The following DLGAP4 variants were observed in gnomAD, a reference collection of about 807,000 sequenced individuals.
DLGAP4 encodes disks large-associated protein 4.
DLGAP4 carries 18 observed loss-of-function variants against 86.9 expected under a neutral mutation model. That is an observed-to-expected ratio of 0.21 (90% CI 0.14 to 0.31). DLGAP4 has a LOEUF of 0.31. Among genes scored for constraint, DLGAP4 ranks in the 10% least tolerant of loss-of-function variants. The pLI, the probability that DLGAP4 is intolerant of heterozygous loss-of-function variation, is 1.00. For missense variants in DLGAP4, 1,085 were observed against 1,362.6 expected (o/e 0.80, Z 3.21); for synonymous variants, 548 against 574.3 (o/e 0.95, Z 0.65).
At chr20:36,412,040 G>A (rs1203360258) in intron 2 of DLGAP4, among the ~76,000 whole-genome samples, 2 of 152,352 alleles carry the variant, frequency 1.3e-5, no homozygotes, top group South Asian at 4.1e-4. Flanking sequence ...TCCAAGTGCT[G>A]TGTGTATTTC....
chr20:36,486,755 C>T (rs1264284517), intron 7 of DLGAP4, among the ~76,000 whole-genome samples: 1 of 152,126 alleles, frequency 6.6e-6, no homozygotes, highest in Non-Finnish European at 1.5e-5. Flanking sequence ...GGATTACAGG[C>T]CTGCGCCACC....
chr20:36,489,294 T>C (rs1206952605), intron 7 of DLGAP4, among the ~76,000 whole-genome samples: 2 of 152,168 alleles, frequency 1.3e-5, no homozygotes, highest in African/African-American at 2.4e-5. Flanking sequence ...ATCAGCTGTA[T>C]ATGAAGTACC....
At chr20:36,493,181 A>G (rs1401496422) in intron 7 of DLGAP4, 1 of 152,222 alleles carries the variant, frequency 6.6e-6, no homozygotes, top group East Asian at 1.9e-4. Context: ...GGGGCCATAC[A>G]ACAGGTCAGT....
At chr20:36,453,934 C>CAAAAAAAAA (rs1194294335) in intron 7 of DLGAP4, among the ~76,000 whole-genome samples, 3 of 42,658 alleles carry the variant, frequency 7.0e-5, no homozygotes, top group African/African-American at 2.6e-4. Context: ...ACTCTGTCTC[C>CAAAAAAAAA]AAAAAAAAAA....
intron 1 of DLGAP4, among the ~76,000 whole-genome samples, chr20:36,353,319 G>T (rs1010550489): frequency 6.6e-6 from 1 of 152,186 alleles, no homozygotes; most frequent in East Asian, 1.9e-4. Flanking sequence ...ATGACTGAGA[G>T]GGGGCGGCTC....
At chr20:36,314,040 C>T (rs1321400162) in intron 1 of DLGAP4, among the ~76,000 whole-genome samples, 7 of 152,062 alleles carry the variant, frequency 4.6e-5, no homozygotes, top group Non-Finnish European at 2.9e-5. Context: ...GAAGGGGTGT[C>T]GGCATCTGAC....
At chr20:36,394,826 G>A (rs1401520807) in intron 2 of DLGAP4, among the ~76,000 whole-genome samples, 1 of 152,144 alleles carries the variant, frequency 6.6e-6, no homozygotes, top group African/African-American at 2.4e-5. Flanking sequence ...TGGGCTCCAG[G>A]TTCCAGCAGT....
At chr20:36,322,956 C>T (rs1306059732) in intron 1 of DLGAP4, among the ~76,000 whole-genome samples, 3 of 151,954 alleles carry the variant, frequency 2.0e-5, no homozygotes, top group Non-Finnish European at 4.4e-5. Flanking sequence ...GGGTGGATTG[C>T]TTGAGCCCAG....
intron 2 of DLGAP4, among the ~76,000 whole-genome samples, chr20:36,397,336 C>T (rs986760281): frequency 1.3e-5 from 2 of 152,184 alleles, no homozygotes; most frequent in African/African-American, 4.8e-5. Flanking sequence ...TAGCGAGAAA[C>T]CAAAGCTATT....
intron 1 of DLGAP4, among the ~76,000 whole-genome samples, chr20:36,338,629 C>A (rs1439407914): frequency 4.6e-5 from 7 of 152,216 alleles, no homozygotes; most frequent in Non-Finnish European, 7.4e-5. Flanking sequence ...GTATTGAGCA[C>A]CGCCTGTGTG....
rs2037869182 is a variant in DLGAP4 at position 36,527,950 on chromosome 20, T to TAGACCTTAGAGTGTATAGTTAACAAAC, written c.*920_*946dup. 1.1e-4 allele frequency: 17 copies of TAGACCTTAGAGTGTATAGTTAACAAAC among 152,564 alleles called. No individual in the cohort carries two copies. The highest frequency in any genetic ancestry group is 1.1e-3 in the Admixed American group (17 of 15,284). The allele number at this position is 152,564 out of a possible 1,614,324, so 9.5% of individuals were successfully genotyped here. On this transcript the variant is annotated 3_prime_UTR_variant, in exon 13 of 13. Coordinates refer to ENST00000339266, the MANE Select transcript of DLGAP4 (RefSeq NM_001365621.2). ...CTGTATGTATGTGTACATATGCACA[T>TAGACCTTAGAGTGTATAGTTAACAAAC]AGACCTTAGAGTGTATAGTTAACAA...
At chr20:36,474,019 A>G (rs1309561613) in intron 7 of DLGAP4, among the ~76,000 whole-genome samples, 1 of 152,248 alleles carries the variant, frequency 6.6e-6, no homozygotes, top group Non-Finnish European at 1.5e-5. Flanking sequence ...CCTGCAAAAT[A>G]GAGATGCTAA....
At chr20:36,337,562 GCA>G (rs1433675278) in intron 1 of DLGAP4, among the ~76,000 whole-genome samples, 15 of 152,244 alleles carry the variant, frequency 9.9e-5, no homozygotes, top group Admixed American at 8.5e-4. Flanking sequence ...GTGGGTTCAG[GCA>G]CAGACAGGAG....
At chr20:36,375,813 G>A (rs1031471286) in intron 2 of DLGAP4, among the ~76,000 whole-genome samples, 1 of 152,174 alleles carries the variant, frequency 6.6e-6, no homozygotes, top group Non-Finnish European at 1.5e-5. Flanking sequence ...GTCGACCAAG[G>A]CTGGAGCTTA....
At chr20:36,484,244 C>G (rs908350125) in intron 7 of DLGAP4, among the ~76,000 whole-genome samples, 6 of 152,216 alleles carry the variant, frequency 3.9e-5, no homozygotes, top group African/African-American at 1.4e-4. Context: ...CAGTTCATGT[C>G]CAGCCCTCTG....
intron 11 of DLGAP4, chr20:36,525,427 G>A (rs2037689100): frequency 4.2e-6 from 1 of 238,944 alleles, no homozygotes; most frequent in Non-Finnish European, 8.4e-6. Context: ...AAGACCTACA[G>A]AGACTTGGGG....
Position 36,506,871 on chromosome 20 carries a change from A to G in DLGAP4, c.2512+6260A>G, listed in dbSNP as rs117459306. On this transcript the variant is annotated intron_variant, in intron 10 of 12. Transcript: ENST00000339266. ...GCAGCCACCACTCTACTTTGTCTCT[A>G]TGAGTTTGACTATTCTAGCTACTTC... Among the ~76,000 whole-genome samples, 80 of 152,198 alleles carry G rather than the reference A, an allele frequency of 5.3e-4. No homozygotes were observed. The East Asian group carries it at 0.014, about 26-fold the overall frequency.
At chr20:36,396,688 G>T (rs1480748680) in intron 2 of DLGAP4, among the ~76,000 whole-genome samples, 1 of 59,804 alleles carries the variant, frequency 1.7e-5, no homozygotes, top group Non-Finnish European at 3.9e-5. Context: ...ATACCATGAG[G>T]GATAGATGGA....
rs539585564 is a variant in DLGAP4, at chr20:36,349,104, C to CAAA, written c.-303-17910_-303-17908dup. Among the ~76,000 whole-genome samples the CAAA allele has an allele frequency of 1.8e-3, 70 of 39,902 alleles. 6 individuals carry two copies. Among genetic ancestry groups the CAAA allele is most frequent in the African/African-American group, 7.3e-3 (45 of 6,130 alleles). 26.2% of individuals were successfully genotyped at this position (39,902 alleles called of 152,430 possible). ...GGCGTGACAGAACAAGACTCCATCT[C>CAAA]AAAAAAAAAAAAAAAAAAAAAAAAA... On this transcript the variant is annotated intron_variant, in intron 1 of 12. Transcript: ENST00000339266.
Sources: gnomAD v4.1 joint callset for allele counts (sites outside exome capture counted in the v4.1 genomes callset) on GRCh38, gnomAD v4.1.1 for gene constraint, MANE v1.5 for transcripts, NCBI Gene and HGNC (gene_info 2026-07-23, HGNC 2026-07-21) for gene names.